NUMA1: variants seen among roughly 807,000 people sequenced by gnomAD.
NUMA1 encodes nuclear mitotic apparatus protein 1.
In NUMA1, 62 loss-of-function variants were observed where a neutral mutation model predicts 237.1. The ratio of observed to expected loss-of-function variants is 0.26; its 90% CI spans 0.21 to 0.32. The LOEUF is 0.32. NUMA1 is among the 10% of genes least tolerant of loss of function. The pLI is 1.00. For synonymous variants in NUMA1, 1,028 were observed against 1,066.1 expected (o/e 0.96, Z 0.70); for missense variants, 2,533 against 2,666.5 (o/e 0.95, Z 1.10).
intron 1 of NUMA1, among the ~76,000 whole-genome samples, chr11:72,079,174 CTAGCCAT>C (rs1943879887): frequency 1.3e-5 from 2 of 152,164 alleles, no homozygotes; most frequent in Admixed American, 6.5e-5. Context: ...CAAATCCTGC[CTAGCCAT>C]TAGGATACAG....
chr11:72,064,881 C>T (rs917775906), intron 2 of NUMA1, among the ~76,000 whole-genome samples: 1 of 152,018 alleles, frequency 6.6e-6, no homozygotes, highest in African/African-American at 2.4e-5. Context: ...ATGGTATGGC[C>T]CCATTTTTGA....
intron 21 of NUMA1, 27 bp from the exon 22 acceptor site, chr11:72,006,290 G>A: frequency 6.3e-7 from 1 of 1,596,758 alleles, no homozygotes; most frequent in Non-Finnish European, 8.6e-7. Context: ...ATCTGTTGCA[G>A]TGTACAGTCC....
At chr11:72,068,986 G>A (rs1943327173) in intron 2 of NUMA1, among the ~76,000 whole-genome samples, 1 of 152,142 alleles carries the variant, frequency 6.6e-6, no homozygotes, top group African/African-American at 2.4e-5. Flanking sequence ...CAAGCTAAGA[G>A]TAAAGATTTG....
At chr11:72,011,105 G>C (rs1956128404) in intron 16 of NUMA1, among the ~76,000 whole-genome samples, 1 of 152,176 alleles carries the variant, frequency 6.6e-6, no homozygotes, top group Non-Finnish European at 1.5e-5. Flanking sequence ...AGCCTGCAGA[G>C]ACAGAGGCCT....
chr11:72,073,514 G>C (rs1943563818), intron 1 of NUMA1, among the ~76,000 whole-genome samples: 1 of 152,182 alleles, frequency 6.6e-6, no homozygotes, highest in South Asian at 2.1e-4. Flanking sequence ...CCATGGCAAA[G>C]GGTCTAGAAG....
At chr11:72,060,431 C>T (rs1942879908) in intron 2 of NUMA1, among the ~76,000 whole-genome samples, 1 of 151,994 alleles carries the variant, frequency 6.6e-6, no homozygotes, top group Non-Finnish European at 1.5e-5. Flanking sequence ...GCTGTTTGAG[C>T]CCAGGAGTTC....
chr11:72,036,055 T>C, intron 2 of NUMA1, 80 bp from the exon 3 acceptor site: 1 of 1,111,744 alleles, frequency 9.0e-7, no homozygotes, highest in South Asian at 1.3e-5. Context: ...ATGGTTCAAT[T>C]TGCCAATTCT....
At chr11:72,070,984 TAG>T (rs1943423853) in intron 1 of NUMA1, among the ~76,000 whole-genome samples, 1 of 151,758 alleles carries the variant, frequency 6.6e-6, no homozygotes, top group Non-Finnish European at 1.5e-5. Context: ...GCACAGTCTC[TAG>T]ACCTGTCTGA....
intron 2 of NUMA1, among the ~76,000 whole-genome samples, chr11:72,047,498 AAAAC>A (rs1327694155): frequency 6.6e-6 from 1 of 152,110 alleles, no homozygotes; most frequent in East Asian, 1.9e-4. Flanking sequence ...AAAAAAAACA[AAAAC>A]AAAAACAAAT....
chr11:72,027,764 G>A (rs1280991073), intron 4 of NUMA1, among the ~76,000 whole-genome samples: 3 of 152,192 alleles, frequency 2.0e-5, no homozygotes, highest in Non-Finnish European at 2.9e-5. Context: ...TTGAGAACTC[G>A]TGCATAGGAA....
rs552085605 is a variant in NUMA1 at position 72,044,606 on chromosome 11, G to T, written c.-32-8631C>A. Reference sequence around the variant, plus strand: ...AACAGTTAACAGGGGTTACTTTGGGGGGGGGGAGGAGTTAGATTGTAGGGA... The same window carrying T: ...AACAGTTAACAGGGGTTACTTTGGGTGGGGGGAGGAGTTAGATTGTAGGGA... On this transcript the variant is annotated intron_variant, in intron 2 of 26. Coordinates refer to ENST00000393695, the MANE Select transcript of NUMA1 (RefSeq NM_006185.4). 3.7e-3 allele frequency among the ~76,000 whole-genome samples: 568 copies of T among 151,686 alleles called. 4 individuals carry two copies. The highest frequency in any genetic ancestry group is 0.013 in the African/African-American group (533 of 41,320).
At chr11:72,011,967 C>G (rs1336803900) in intron 16 of NUMA1, among the ~76,000 whole-genome samples, 1 of 152,196 alleles carries the variant, frequency 6.6e-6, no homozygotes, top group Non-Finnish European at 1.5e-5. Context: ...ACCTTCAAGG[C>G]TTCCATAAAG....
intron 2 of NUMA1, among the ~76,000 whole-genome samples, chr11:72,056,523 T>G (rs1338672808): frequency 3.3e-5 from 5 of 150,560 alleles, no homozygotes; most frequent in African/African-American, 1.2e-4. Context: ...GGTTTTACTA[T>G]GTTGGCCAGG....
At chr11:72,047,751 C>T (rs1389670783) in intron 2 of NUMA1, 12 of 152,158 alleles carry the variant, frequency 7.9e-5, no homozygotes, top group Admixed American at 7.9e-4. Context: ...CGAATTACAA[C>T]AGTAACAGCA....
At chr11:72,017,869 G>A in intron 12 of NUMA1, 42 bp from the exon 13 acceptor site, 2 of 788,596 alleles carry the variant, frequency 2.5e-6, no homozygotes, top group Non-Finnish European at 3.5e-6. Context: ...CAGAGTCAAC[G>A]CTGACCCCAC....
intron 2 of NUMA1, among the ~76,000 whole-genome samples, chr11:72,048,752 C>T (rs1413643002): frequency 2.0e-5 from 3 of 152,032 alleles, no homozygotes; most frequent in East Asian, 3.9e-4. Context: ...TCTGAGGATC[C>T]GAGAGCTTTA....
chr11:72,007,457 AGGTACAGTC>A (rs1955815366), intron 20 of NUMA1, 22 bp from the exon 21 acceptor site: 1 of 1,611,918 alleles, frequency 6.2e-7, no homozygotes, highest in East Asian at 2.2e-5. Flanking sequence ...AAACCTGCTG[AGGTACAGTC>A]CTTCACGCTA....
At chr11:72,080,157 G>A (rs1753650516) in intron 1 of NUMA1, among the ~76,000 whole-genome samples, 1 of 151,730 alleles carries the variant, frequency 6.6e-6, no homozygotes, top group African/African-American at 2.4e-5. Flanking sequence ...TCCAGGACCC[G>A]ACCCCTCGCT....
chr11:72,005,900 A>C, intron 22 of NUMA1, 135 bp downstream of exon 22: 1 of 727,760 alleles, frequency 1.4e-6, no homozygotes, highest in South Asian at 1.8e-5. Context: ...GGCTGCAGGA[A>C]GGAGGGGCAG....
Sources: gnomAD v4.1 joint callset for allele counts (sites outside exome capture counted in the v4.1 genomes callset) on GRCh38, gnomAD v4.1.1 for gene constraint, MANE v1.5 for transcripts, NCBI Gene and HGNC (gene_info 2026-07-23, HGNC 2026-07-21) for gene names.